The following PAK2 variants were observed in gnomAD, a reference collection of about 807,000 sequenced individuals.
PAK2 encodes serine/threonine-protein kinase PAK 2.
Under a neutral mutation model 65.9 loss-of-function variants are expected in PAK2, and 21 were observed. That is an observed-to-expected ratio of 0.32 (90% CI 0.23 to 0.46). The LOEUF is 0.46. Among genes scored for constraint, PAK2 ranks in the 20% least tolerant of loss-of-function variants. The pLI, the probability that PAK2 is intolerant of heterozygous loss-of-function variation, is 1.00. For synonymous variants in PAK2, 204 were observed against 219.7 expected, an observed-to-expected ratio of 0.93 and a Z score of 0.63; for missense variants, 324 against 642.6, an observed-to-expected ratio of 0.50 and a Z score of 5.36.
At chr3:196,784,171 T>C (rs542503798) in intron 2 of PAK2, among the ~76,000 whole-genome samples, 1 of 152,226 alleles carries the variant, frequency 6.6e-6, no homozygotes, top group African/African-American at 2.4e-5. Context: ...AATCAGCATC[T>C]TTAGGGGCTT....
intron 12 of PAK2, 43 bp downstream of exon 12, chr3:196,818,199 T>G (rs1289928855): frequency 1.2e-6 from 1 of 800,500 alleles, no homozygotes. Context: ...ATTATAATTT[T>G]CTGCCTTTTG....
chr3:196,797,100 A>G (rs1297312150), intron 2 of PAK2, among the ~76,000 whole-genome samples: 3 of 152,232 alleles, frequency 2.0e-5, no homozygotes, highest in Non-Finnish European at 4.4e-5. Flanking sequence ...AGACGTTTAT[A>G]GAACACTCCA....
At chr3:196,750,616 C>T (rs1322257714) in intron 1 of PAK2, among the ~76,000 whole-genome samples, 3 of 151,834 alleles carry the variant, frequency 2.0e-5, no homozygotes, top group African/African-American at 7.3e-5. Context: ...AATTATTCAA[C>T]ATTATCTTTC....
At chr3:196,760,956 G>T (rs1713939692) in intron 1 of PAK2, among the ~76,000 whole-genome samples, 1 of 152,098 alleles carries the variant, frequency 6.6e-6, no homozygotes, top group Admixed American at 6.6e-5. Context: ...AAAAGTTAGG[G>T]CTGAGCACAG....
chr3:196,752,004 A>G (rs1713620214), intron 1 of PAK2, among the ~76,000 whole-genome samples: 2 of 151,938 alleles, frequency 1.3e-5, no homozygotes, highest in South Asian at 4.1e-4. Context: ...CGGCCTCCCA[A>G]AGTGCTGGGA....
chr3:196,822,297 G>A (rs1711681277), intron 13 of PAK2, among the ~76,000 whole-genome samples: 1 of 152,168 alleles, frequency 6.6e-6, no homozygotes, highest in Non-Finnish European at 1.5e-5. Flanking sequence ...TGGGAAAAGA[G>A]AAAAACAAAA....
chr3:196,783,211 TG>T (rs1714767395), intron 2 of PAK2, among the ~76,000 whole-genome samples: 1 of 152,188 alleles, frequency 6.6e-6, no homozygotes, highest in Non-Finnish European at 1.5e-5. Flanking sequence ...TAAGAGTTTT[TG>T]TGATTCTTGA....
intron 11 of PAK2, among the ~76,000 whole-genome samples, chr3:196,815,698 A>G (rs2108769294): frequency 6.6e-6 from 1 of 151,760 alleles, no homozygotes. Flanking sequence ...GAGACGGGAG[A>G]TTAGCTTGAA....
intron 7 of PAK2, among the ~76,000 whole-genome samples, chr3:196,808,747 G>A (rs1004304497): frequency 6.6e-6 from 1 of 151,256 alleles, no homozygotes; most frequent in African/African-American, 2.4e-5. Context: ...TGTAATCCCA[G>A]CTACTTGGGG....
At chr3:196,827,142 C>T in intron 13 of PAK2, 54 bp from the exon 14 acceptor site, 1 of 1,257,616 alleles carries the variant, frequency 8.0e-7, no homozygotes, top group Non-Finnish European at 1.1e-6. Context: ...ATGGAGTGCT[C>T]TGTGACCGTG....
chr3:196,828,401 G>A lies in PAK2; in HGVS notation c.1571G>A (p.Arg524His), dbSNP rs201021023. The A allele has an allele frequency of 3.9e-5, 61 of 1,565,478 alleles. No homozygotes were observed. Among genetic ancestry groups the A allele is most frequent in the Admixed American group, 2.7e-4 (16 of 59,460 alleles). The change falls in exon 15 of 15, where the codon CGT (arginine) becomes CAT (histidine). Residue 524 changes from arginine to histidine, a missense_variant. Arg to His is a conservative substitution (Grantham distance 29). Transcript: ENST00000327134. Reference protein sequence around the residue: ...MAAKEAMKSNR With the variant: ...MAAKEAMKSNH Reference sequence around the variant, plus strand: ...GCTAAAGAAGCAATGAAGAGTAACCGTTAACATCACTGCTGTGGCCTCATA... The same window carrying A: ...GCTAAAGAAGCAATGAAGAGTAACCATTAACATCACTGCTGTGGCCTCATA...
At chr3:196,741,012 C>T (rs1426897820) in intron 1 of PAK2, among the ~76,000 whole-genome samples, 8 of 152,306 alleles carry the variant, frequency 5.3e-5, no homozygotes, top group Admixed American at 2.6e-4. Context: ...GCAGTGTGAG[C>T]GTGATTTGTT....
intron 1 of PAK2, among the ~76,000 whole-genome samples, chr3:196,758,026 G>GA (rs201833215): frequency 0.015 from 2,312 of 152,196 alleles, 103 homozygotes; most frequent in Admixed American, 0.097. Context: ...GCCTAAAGAA[G>GA]AAAAAACCCT....
At chr3:196,775,528 G>A (rs1471761007) in intron 1 of PAK2, among the ~76,000 whole-genome samples, 1 of 151,832 alleles carries the variant, frequency 6.6e-6, no homozygotes, top group African/African-American at 2.4e-5. Flanking sequence ...GACTACAGGC[G>A]CCCACCACCA....
chr3:196,811,271 T>TCCCC (rs1560113757), intron 8 of PAK2, among the ~76,000 whole-genome samples: 1 of 18,238 alleles, frequency 5.5e-5, no homozygotes. Context: ...CTTCCTTCCC[T>TCCCC]TCCCTCCCTT....
At chr3:196,812,295 T>C (rs200379218) in intron 9 of PAK2, 28 bp downstream of exon 9, 3 of 1,391,498 alleles carry the variant, frequency 2.2e-6, no homozygotes, top group Non-Finnish European at 3.1e-6. Context: ...ATCCTGGGTG[T>C]TACCATTATT....
chr3:196,827,659 G>A (rs1447089977), intron 14 of PAK2, among the ~76,000 whole-genome samples: 1 of 152,008 alleles, frequency 6.6e-6, no homozygotes, highest in Non-Finnish European at 1.5e-5. Context: ...TGTAAATGAT[G>A]AGTTAACAGG....
chr3:196,805,597 T>C (rs911300132), intron 5 of PAK2, among the ~76,000 whole-genome samples: 6 of 152,306 alleles, frequency 3.9e-5, no homozygotes, highest in East Asian at 1.9e-4. Context: ...AAATTTATAA[T>C]GACCTTCAGA....
chr3:196,747,617 TCTATGAAAACTTAGAACATTTTCTG>T (rs1713432195), intron 1 of PAK2, among the ~76,000 whole-genome samples: 1 of 152,198 alleles, frequency 6.6e-6, no homozygotes, highest in Non-Finnish European at 1.5e-5. Context: ...TGGAAAATGT[TCTATGAAAACTTAGAACATTTTCTG>T]TTGGTAATAT....
Sources: gnomAD v4.1 joint callset for allele counts (sites outside exome capture counted in the v4.1 genomes callset) on GRCh38, gnomAD v4.1.1 for gene constraint, MANE v1.5 for transcripts, NCBI Gene and HGNC (gene_info 2026-07-23, HGNC 2026-07-21) for gene names.